TCF7L2: variants seen among roughly 807,000 people sequenced by gnomAD.
The protein encoded by TCF7L2 is transcription factor 7-like 2.
Under a neutral mutation model 77.9 loss-of-function variants are expected in TCF7L2, and 23 were observed. The ratio of observed to expected loss-of-function variants is 0.30; its 90% confidence interval spans 0.21 to 0.42. TCF7L2 has a LOEUF of 0.42. Among genes scored for constraint, TCF7L2 ranks in the 10% least tolerant of loss-of-function variants. The pLI is 1.00. For missense variants in TCF7L2, 654 were observed against 793.1 expected (o/e 0.82, Z 2.11); for synonymous variants, 413 against 340.2 (o/e 1.21, Z -2.36).
intron 3 of TCF7L2, among the ~76,000 whole-genome samples, chr10:112,956,011 C>G (rs949658933): frequency 6.6e-6 from 1 of 151,560 alleles, no homozygotes; most frequent in Non-Finnish European, 1.5e-5. Flanking sequence ...AATCCTGGTG[C>G]AACTTCTCTT....
intron 4 of TCF7L2, among the ~76,000 whole-genome samples, chr10:112,970,478 C>A (rs1030644483): frequency 2.0e-5 from 3 of 151,726 alleles, no homozygotes; most frequent in Non-Finnish European, 2.9e-5. Flanking sequence ...GTCCTTACCC[C>A]ATGTTGGCCA....
rs111488086 is a variant in TCF7L2, at chr10:113,054,904, A to T, written c.552+14778A>T. Among the ~76,000 whole-genome samples, 989 of 151,978 alleles carry T rather than the reference A, an allele frequency of 6.5e-3. 13 individuals are homozygous for T. The highest frequency in any genetic ancestry group is 0.023 in the African/African-American group (952 of 41,438). On this transcript the variant is annotated intron_variant, in intron 5 of 13. Transcript: ENST00000627217. ...TTTTGCAGCATGCTTTTCTTATTCAACATTACATTTGAATTTTTTCAACAT... is the reference window on the plus strand; with the variant it reads ...TTTTGCAGCATGCTTTTCTTATTCATCATTACATTTGAATTTTTTCAACAT...
intron 4 of TCF7L2, among the ~76,000 whole-genome samples, chr10:112,996,369 T>A (rs954496717): frequency 2.6e-5 from 4 of 152,070 alleles, no homozygotes; most frequent in Admixed American, 2.6e-4. Flanking sequence ...ATATTTTACA[T>A]GGGAAACCTA....
chr10:113,029,619 T>C (rs1354813588), intron 4 of TCF7L2, among the ~76,000 whole-genome samples: 1 of 150,544 alleles, frequency 6.6e-6, no homozygotes, highest in Non-Finnish European at 1.5e-5. Flanking sequence ...CTCCACCTCC[T>C]GGGTTCAAGC....
At position 113,068,901 on chromosome 10, in the gene TCF7L2, T is replaced by C. The variant is rs536668626; in HGVS notation, c.552+28775T>C. On this transcript the variant is annotated intron_variant, in intron 5 of 13. Transcript: ENST00000627217. Reference sequence around the variant, plus strand: ...CCCTTTACCGTTGGCTCCCAATTCTTTTTTTTTTTTTAATTTCCCAATTAA... The same window carrying C: ...CCCTTTACCGTTGGCTCCCAATTCTCTTTTTTTTTTTAATTTCCCAATTAA... Among the ~76,000 whole-genome samples, 130 of 130,736 alleles carry C rather than the reference T, an allele frequency of 9.9e-4. 4 individuals carry two copies. The South Asian group carries it at 0.029, about 29-fold the overall frequency. The allele number at this position is 130,736 out of a possible 152,430, so 85.8% of individuals were successfully genotyped here.
At chr10:112,977,382 A>G (rs2039618290) in intron 4 of TCF7L2, among the ~76,000 whole-genome samples, 1 of 152,244 alleles carries the variant, frequency 6.6e-6, no homozygotes, top group South Asian at 2.1e-4. Context: ...TGATGATTGA[A>G]ATTGAAGAAT....
chr10:112,968,602 G>A (rs532122520), intron 4 of TCF7L2, among the ~76,000 whole-genome samples: 84 of 151,946 alleles, frequency 5.5e-4, no homozygotes, highest in African/African-American at 1.7e-3. Flanking sequence ...TTTTTGAAAC[G>A]GATTCTCATT....
chr10:113,063,960 CA>C (rs1160063075), intron 5 of TCF7L2, among the ~76,000 whole-genome samples: 1 of 151,182 alleles, frequency 6.6e-6, no homozygotes, highest in Non-Finnish European at 1.5e-5. Context: ...GTCATCCAAG[CA>C]GATTCAAGGA....
At chr10:113,008,546 A>G (rs1432716032) in intron 4 of TCF7L2, among the ~76,000 whole-genome samples, 4 of 152,118 alleles carry the variant, frequency 2.6e-5, no homozygotes, top group Non-Finnish European at 5.9e-5. Context: ...ACTGTATACT[A>G]CCTGTGCTAT....
chr10:112,964,813 G>GGTGGTGGTGATGGTGGTGGTGGTGATGGT (rs1564719445), intron 4 of TCF7L2, among the ~76,000 whole-genome samples, 189 bp downstream of exon 4: 1 of 98,410 alleles, frequency 1.0e-5, no homozygotes. Flanking sequence ...TGGTGGTGGT[G>GGTGGTGGTGATGGTGGTGGTGGTGATGGT]GGGGGGGGTT....
intron 13 of TCF7L2, among the ~76,000 whole-genome samples, chr10:113,161,931 G>GA (rs1265158463): frequency 6.6e-6 from 1 of 152,190 alleles, no homozygotes; most frequent in Non-Finnish European, 1.5e-5. Flanking sequence ...GGCAGGAGAG[G>GA]AACTCCCCAG....
At chr10:113,129,855 C>T in intron 5 of TCF7L2, 1 of 1,289,350 alleles carries the variant, frequency 7.8e-7, no homozygotes, top group South Asian at 1.2e-5. Context: ...GAGGGAAAAC[C>T]AAGGCTGTTA....
intron 4 of TCF7L2, among the ~76,000 whole-genome samples, chr10:113,035,638 C>G (rs1027740947): frequency 4.6e-5 from 7 of 152,240 alleles, no homozygotes; most frequent in Non-Finnish European, 8.8e-5. Flanking sequence ...CTTAAGCAAT[C>G]TTCCGGCCTT....
At position 113,165,773 on chromosome 10, in the gene TCF7L2, C is replaced by T. The variant is rs201155099; in HGVS notation, c.1610C>T (p.Ala537Val). Residue 537 changes from alanine (A) to valine (V), a missense_variant, in exon 14 of 14, where the codon GCC becomes GTC. This residue lies in a region of TCF7L2 where 272 missense variants were observed against 215.4 expected (regional missense o/e 1.26). Coordinates refer to ENST00000627217, the MANE Select transcript of TCF7L2 (RefSeq NM_001146274.2). Reference sequence around the variant, plus strand: ...CTGTCCATGATGCCTCCGCCACCCGCCCTCCTGCTCGCTGAGGCCACCCAC... The same window carrying T: ...CTGTCCATGATGCCTCCGCCACCCGTCCTCCTGCTCGCTGAGGCCACCCAC... 9.3e-6 allele frequency: 15 copies of T among 1,607,548 alleles called. No individual in the cohort carries two copies. Among genetic ancestry groups the T allele is most frequent in the South Asian group, 4.4e-5 (4 of 90,076 alleles).
intron 5 of TCF7L2, among the ~76,000 whole-genome samples, chr10:113,118,919 G>T (rs900959992): frequency 1.3e-5 from 2 of 152,016 alleles, no homozygotes; most frequent in Non-Finnish European, 2.9e-5. Flanking sequence ...CTTTGAAAAT[G>T]CAATTGTAAT....
At chr10:113,087,793 C>A (rs1022357823) in intron 5 of TCF7L2, among the ~76,000 whole-genome samples, 2 of 152,174 alleles carry the variant, frequency 1.3e-5, no homozygotes, top group Non-Finnish European at 2.9e-5. Flanking sequence ...GCAGCAATGG[C>A]CCCCTCTCAT....
At chr10:113,101,289 T>C (rs921785314) in intron 5 of TCF7L2, among the ~76,000 whole-genome samples, 2 of 152,140 alleles carry the variant, frequency 1.3e-5, no homozygotes, top group Non-Finnish European at 2.9e-5. Context: ...TGTTCAGGCC[T>C]ATATTGTCAG....
chr10:113,035,117 G>A (rs916898343), intron 4 of TCF7L2, among the ~76,000 whole-genome samples: 1 of 152,082 alleles, frequency 6.6e-6, no homozygotes, highest in Non-Finnish European at 1.5e-5. Flanking sequence ...GAAAAGAGGG[G>A]GTAGTTATTT....
At chr10:113,096,225 G>T (rs539357523) in intron 5 of TCF7L2, among the ~76,000 whole-genome samples, 1 of 152,156 alleles carries the variant, frequency 6.6e-6, no homozygotes, top group African/African-American at 2.4e-5. Flanking sequence ...CTCTGTTGAC[G>T]TACCTGTTTC....
Sources: allele counts gnomAD v4.1 joint callset (sites outside exome capture counted in the v4.1 genomes callset), GRCh38; gene constraint gnomAD v4.1.1; regional missense constraint gnomAD v4.1.1; transcripts MANE v1.5; gene names NCBI Gene and HGNC (gene_info 2026-07-23, HGNC 2026-07-21).